The following SNX3 variants were observed in gnomAD, a reference collection of about 807,000 sequenced individuals.
The protein encoded by SNX3 is sorting nexin 3.
A neutral mutation model predicts 17.7 loss-of-function variants in SNX3; 5 were observed. The ratio of observed to expected loss-of-function variants is 0.28; its 90% CI spans 0.15 to 0.59. The LOEUF (loss-of-function observed/expected upper bound fraction) is 0.59. Ranked by LOEUF, SNX3 falls within the 20% of genes least tolerant of loss-of-function variation. The probability of loss-of-function intolerance (pLI) is 0.88; values close to 1 mark genes in which losing one functional copy is unlikely to be tolerated. For missense variants in SNX3, 132 were observed against 206.8 expected (o/e 0.64, Z 2.22); for synonymous variants, 91 against 76.5 (o/e 1.19, Z -0.99).
At chr6:108,254,004 G>A (rs1011168454) in intron 1 of SNX3, among the ~76,000 whole-genome samples, 1 of 151,950 alleles carries the variant, frequency 6.6e-6, no homozygotes, top group Non-Finnish European at 1.5e-5. Context: ...GCAGGCACCT[G>A]TAGTCCCAGC....
At chr6:108,259,297 G>A (rs1051286828) in intron 1 of SNX3, among the ~76,000 whole-genome samples, 1 of 152,168 alleles carries the variant, frequency 6.6e-6, no homozygotes, top group Admixed American at 6.5e-5. Context: ...GCAATGGCCC[G>A]ATCTAGGCTC....
chr6:108,253,461 T>C (rs1439019011), intron 1 of SNX3, among the ~76,000 whole-genome samples: 1 of 151,180 alleles, frequency 6.6e-6, no homozygotes, highest in Non-Finnish European at 1.5e-5. Context: ...TAGACATGGA[T>C]GATGCAAGAC....
Position 108,260,790 on chromosome 6 carries a change from G to A in SNX3, c.132C>T (p.Gly44=), listed in dbSNP as rs756392936. 3 of 1,613,820 alleles carry A rather than the reference G, an allele frequency of 1.9e-6. No individual in the cohort carries two copies. The highest frequency in any genetic ancestry group is 2.7e-5 in the African/African-American group (2 of 74,908). The stretch of plus-strand genomic sequence containing the variant: ...CCCTGATTTCGTAAGTGGTGAAGCG[G>A]CCCCGGCCGACCCCCACCGTTTGCG... ...SNPQTVGVGR[G]RFTTYEIRVK... The change falls in exon 1 of 4, where the codon GGC becomes GGT. Residue 44 remains glycine (G), a synonymous_variant. Coordinates refer to ENST00000230085, the MANE Select transcript of SNX3 (RefSeq NM_003795.6).
chr6:108,248,386 A>C (rs550266821), intron 1 of SNX3, among the ~76,000 whole-genome samples: 1 of 152,342 alleles, frequency 6.6e-6, no homozygotes. Flanking sequence ...TATCAGAGAA[A>C]TCTAGCCCTG....
intron 1 of SNX3, among the ~76,000 whole-genome samples, chr6:108,227,123 C>T (rs947212673): frequency 6.6e-6 from 1 of 152,142 alleles, no homozygotes; most frequent in African/African-American, 2.4e-5. Context: ...TCTCTAATTT[C>T]ACCTATTGGC....
At chr6:108,216,585 T>C (rs188804827) in intron 2 of SNX3, among the ~76,000 whole-genome samples, 1 of 152,150 alleles carries the variant, frequency 6.6e-6, no homozygotes, top group Non-Finnish European at 1.5e-5. Flanking sequence ...CAGAGAAATG[T>C]GTAAGCAAAC....
chr6:108,242,263 A>G (rs1745368351), intron 1 of SNX3, among the ~76,000 whole-genome samples: 1 of 152,210 alleles, frequency 6.6e-6, no homozygotes, highest in African/African-American at 2.4e-5. Context: ...GAAACAATAA[A>G]TAATGGCTGA....
intron 1 of SNX3, among the ~76,000 whole-genome samples, chr6:108,223,876 T>C (rs1774893586): frequency 3.9e-5 from 6 of 152,162 alleles, no homozygotes; most frequent in Admixed American, 2.6e-4. Context: ...TGGATGTCAT[T>C]CTGCCTGAGG....
chr6:108,240,347 T>C (rs1000797356), intron 1 of SNX3, among the ~76,000 whole-genome samples: 1 of 152,100 alleles, frequency 6.6e-6, no homozygotes, highest in African/African-American at 2.4e-5. Flanking sequence ...GCTTCCCAAG[T>C]AGCTGGGATT....
intron 2 of SNX3, among the ~76,000 whole-genome samples, chr6:108,219,158 T>C (rs1774677722): frequency 6.6e-6 from 1 of 150,412 alleles, no homozygotes; most frequent in African/African-American, 2.5e-5. Context: ...GAGACCGTCT[T>C]GCTAACACGG....
intron 1 of SNX3, among the ~76,000 whole-genome samples, chr6:108,238,532 A>C (rs373095575): frequency 3.3e-5 from 5 of 152,190 alleles, no homozygotes; most frequent in African/African-American, 1.2e-4. Flanking sequence ...AGGGAGCCTG[A>C]GGTAGGCGGA....
chr6:108,250,430 A>C (rs187306140), intron 1 of SNX3, among the ~76,000 whole-genome samples: 23 of 152,316 alleles, frequency 1.5e-4, no homozygotes, highest in African/African-American at 5.1e-4. Context: ...TTTATTTATA[A>C]AAAAAGGTAA....
chr6:108,219,111 G>A (rs1185309749), intron 2 of SNX3, among the ~76,000 whole-genome samples: 1 of 152,146 alleles, frequency 6.6e-6, no homozygotes, highest in Non-Finnish European at 1.5e-5. Flanking sequence ...CAGCACTTCG[G>A]GAGGCCAAGG....
Position 108,221,732 on chromosome 6 carries a change from G to A in SNX3, c.258+1218C>T, listed in dbSNP as rs543938780. Among the ~76,000 whole-genome samples, 6 of 151,422 alleles carry A rather than the reference G, an allele frequency of 4.0e-5. No individual in the cohort carries two copies. In the South Asian group the frequency reaches 8.4e-4, roughly 21 times the overall value. On this transcript the variant is annotated intron_variant, in intron 2 of 3. Coordinates refer to ENST00000230085, the MANE Select transcript of SNX3 (RefSeq NM_003795.6). ...GGCTAATTTTTGTATTTTTTGTAGCGATGGGGTTTCGCATGTTGCCCACGC... is the reference window on the plus strand; with the variant it reads ...GGCTAATTTTTGTATTTTTTGTAGCAATGGGGTTTCGCATGTTGCCCACGC...
At chr6:108,221,755 C>T (rs1774781497) in intron 2 of SNX3, among the ~76,000 whole-genome samples, 1 of 151,660 alleles carries the variant, frequency 6.6e-6, no homozygotes, top group Non-Finnish European at 1.5e-5. Flanking sequence ...ATGTTGCCCA[C>T]GCTGGTCTCG....
rs536235125 is a variant in SNX3 at position 108,231,429 on chromosome 6, CCT to C, written c.163-8386_163-8385del. Among the ~76,000 whole-genome samples, 12 of 152,188 alleles carry C rather than the reference CCT, an allele frequency of 7.9e-5. No homozygotes were observed. The South Asian group carries it at 1.2e-3, about 16-fold the overall frequency. ...CACCTTTAATCTAGAAGAGTCGCCC[CCT>C]GTCTTGTTGTCATTCAAGACACTGA... On this transcript the variant is annotated intron_variant, in intron 1 of 3. Transcript: ENST00000230085.
At chr6:108,228,461 G>A (rs1775038452) in intron 1 of SNX3, among the ~76,000 whole-genome samples, 1 of 152,006 alleles carries the variant, frequency 6.6e-6, no homozygotes, top group African/African-American at 2.4e-5. Flanking sequence ...AGGCAGAACT[G>A]CTTGAACCCG....
chr6:108,244,892 G>A (rs1262443867), intron 1 of SNX3, among the ~76,000 whole-genome samples: 2 of 151,770 alleles, frequency 1.3e-5, no homozygotes, highest in East Asian at 1.9e-4. Flanking sequence ...CACCTGCCTC[G>A]GCCTCCTAAA....
At position 108,246,254 on chromosome 6, in the gene SNX3, C is replaced by T. The variant is rs147758345; in HGVS notation, c.162+14506G>A. On this transcript the variant is annotated intron_variant, in intron 1 of 3. Coordinates refer to ENST00000230085, the MANE Select transcript of SNX3 (RefSeq NM_003795.6). ...TTGTCGAGGATCAGATGGTTGTAGA[C>T]GTGTGGTGTTATTTCTGAGGCCTCT... is the stretch of plus-strand genomic sequence containing the variant. Among the ~76,000 whole-genome samples the T allele has an allele frequency of 3.9e-3, 567 of 146,442 alleles. 2 individuals are homozygous for T. Among genetic ancestry groups the T allele is most frequent in the African/African-American group, 0.014 (535 of 39,364 alleles).
Sources: gnomAD v4.1 joint callset for allele counts (sites outside exome capture counted in the v4.1 genomes callset) on GRCh38, gnomAD v4.1.1 for gene constraint, MANE v1.5 for transcripts, NCBI Gene and HGNC (gene_info 2026-07-23, HGNC 2026-07-21) for gene names.